The following UPK1A variants were observed in gnomAD, a reference collection of about 807,000 sequenced individuals.
The protein encoded by UPK1A is uroplakin 1A, also known as uroplakin-1a.
Under a neutral mutation model 32.3 loss-of-function variants are expected in UPK1A, and 31 were observed. The observed-to-expected ratio is 0.96, with a 90% CI of 0.72 to 1.30. The LOEUF (loss-of-function observed/expected upper bound fraction) is 1.30, where lower values mean the gene tolerates loss of function less well. Ranked by LOEUF, UPK1A falls within the 50% of genes most tolerant of loss-of-function variation. UPK1A has a pLI of 0.00. For synonymous variants in UPK1A, 135 were observed against 137.1 expected, an observed-to-expected ratio of 0.98 and a Z score of 0.11; for missense variants, 340 against 357.4, an observed-to-expected ratio of 0.95 and a Z score of 0.39.
At chr19:35,673,698 C>T (rs1968138737) in intron 5 of UPK1A, among the ~76,000 whole-genome samples, 153 bp downstream of exon 5, 1 of 152,090 alleles carries the variant, frequency 6.6e-6, no homozygotes, top group African/African-American at 2.4e-5. Flanking sequence ...CATCACCGTT[C>T]TGCGGATGAG....
exon 8 of UPK1A, chr19:35,678,161 T>G: frequency 5.6e-6 from 6 of 1,078,914 alleles, no homozygotes; most frequent in Non-Finnish European, 7.8e-6. Context: ...CAAGATCTTT[T>G]TCCAGGTTCC....
chr19:35,677,292 C>T (rs1361324821), intron 6 of UPK1A, among the ~76,000 whole-genome samples: 1 of 151,228 alleles, frequency 6.6e-6, no homozygotes, highest in East Asian at 2.0e-4. Flanking sequence ...CTTTGGGAGA[C>T]CGAGATGGGA....
At chr19:35,667,547 G>A (rs994947428) in intron 2 of UPK1A, among the ~76,000 whole-genome samples, 2 of 151,584 alleles carry the variant, frequency 1.3e-5, no homozygotes, top group African/African-American at 2.4e-5. Flanking sequence ...AGGCTGAAGT[G>A]CAGTGGCGAG....
chr19:35,673,893 A>G (rs1968142125), intron 5 of UPK1A, among the ~76,000 whole-genome samples: 1 of 152,110 alleles, frequency 6.6e-6, no homozygotes, highest in South Asian at 2.1e-4. Context: ...GCTAGGTTTC[A>G]CACTGTTCAA....
chr19:35,670,702 CT>C (rs1968080908), intron 3 of UPK1A, among the ~76,000 whole-genome samples: 1 of 104,460 alleles, frequency 9.6e-6, no homozygotes, highest in African/African-American at 3.4e-5. Flanking sequence ...CCCTCCCTCC[CT>C]TCCTTCCTTC....
intron 3 of UPK1A, among the ~76,000 whole-genome samples, chr19:35,670,150 GGT>G (rs1968063895): frequency 6.6e-6 from 1 of 152,310 alleles, no homozygotes; most frequent in East Asian, 1.9e-4. Context: ...TCCAGGTGGA[GGT>G]GGCAGCAAGG....
rs373683502 is a variant in UPK1A, at chr19:35,676,171, T to TTTTCTTTC, written c.648+172_648+179dup. 1,660 of 882,468 alleles carry TTTTCTTTC rather than the reference T, an allele frequency of 1.9e-3. 12 individuals are homozygous for TTTTCTTTC. The African/African-American group carries it at 0.025, about 13-fold the overall frequency. The allele number at this position is 882,468 out of a possible 1,614,324, so 54.7% of individuals were successfully genotyped here. ...CCCCTCTCTGATTTTCTTGTTTTCT[T>TTTTCTTTC]TTTCTTTCTTTCTTTCTTTCTTTCT... On this transcript the variant is annotated intron_variant, in intron 6 of 7. Coordinates refer to ENST00000617999, the Ensembl canonical transcript of UPK1A.
At chr19:35,666,758 G>T in intron 1 of UPK1A, 51 bp from the exon 2 acceptor site, 2 of 1,581,196 alleles carry the variant, frequency 1.3e-6, no homozygotes, top group Non-Finnish European at 1.7e-6. Flanking sequence ...GAGATGGGGG[G>T]TCCGGCTGGC....
chr19:35,677,755 C>A, intron 6 of UPK1A, 57 bp from the exon 7 acceptor site: 2 of 1,603,740 alleles, frequency 1.2e-6, no homozygotes, highest in Non-Finnish European at 1.7e-6. Flanking sequence ...GTGACTCTCG[C>A]TTTCAGCGGC....
At chr19:35,668,335 G>C (rs1968031558) in intron 2 of UPK1A, 119 bp from the exon 3 acceptor site, 1 of 1,233,022 alleles carries the variant, frequency 8.1e-7, no homozygotes, top group Admixed American at 1.9e-5. Flanking sequence ...CGAGGTCTTT[G>C]CCCACTTTAC....
At chr19:35,673,285 G>C (rs750429504) in exon 4 of UPK1A, 1 of 1,614,012 alleles carries the variant, frequency 6.2e-7, no homozygotes. Flanking sequence ...CCTGCATCAC[G>C]TCCTACACCC....
chr19:35,668,567 T>G, exon 3 of UPK1A: 4 of 1,614,128 alleles, frequency 2.5e-6, no homozygotes, highest in Non-Finnish European at 3.4e-6. Flanking sequence ...GTGCCTGGAT[T>G]GCCATCTTCT....
chr19:35,675,903 G>T (rs1361041362), exon 6 of UPK1A: 1 of 1,613,790 alleles, frequency 6.2e-7, no homozygotes. Flanking sequence ...CTTCCGGGCG[G>T]CCACTCCGGA....
At chr19:35,676,353 C>A in intron 6 of UPK1A, 2 of 423,540 alleles carry the variant, frequency 4.7e-6, no homozygotes, top group South Asian at 2.0e-5. Flanking sequence ...ACCCTCTTGG[C>A]TAGTTTTTGT....
Position 35,674,177 on chromosome 19 carries a change from C to T in UPK1A, c.468+632C>T, listed in dbSNP as rs183519446. On this transcript the variant is annotated intron_variant, in intron 5 of 7. Transcript: ENST00000617999. Reference sequence around the variant, plus strand: ...TCTCCCACCTCCGCCTCTCAAAGTGCCGAGATCACAGGCATGAGCCACGAG... The same window carrying T: ...TCTCCCACCTCCGCCTCTCAAAGTGTCGAGATCACAGGCATGAGCCACGAG... Among the ~76,000 whole-genome samples, 388 of 151,352 alleles carry T rather than the reference C, an allele frequency of 2.6e-3. 3 individuals are homozygous for T. Among genetic ancestry groups the T allele is most frequent in the African/African-American group, 8.2e-3 (337 of 41,208 alleles).
chr19:35,676,080 C>T, intron 6 of UPK1A, 61 bp downstream of exon 6: 3 of 1,524,422 alleles, frequency 2.0e-6, no homozygotes, highest in Non-Finnish European at 2.7e-6. Context: ...CTGGTCTCTG[C>T]TCCCTCTCTG....
chr19:35,676,156 A>G (rs936931376), intron 6 of UPK1A, 137 bp downstream of exon 6: 5 of 925,300 alleles, frequency 5.4e-6, no homozygotes, highest in Non-Finnish European at 6.2e-6. Flanking sequence ...CCCCTCTCTG[A>G]TTTTCTTGTT....
At chr19:35,678,192 G>A in exon 8 of UPK1A, 1 of 812,522 alleles carries the variant, frequency 1.2e-6, no homozygotes, top group South Asian at 2.1e-5. Flanking sequence ...TGTGTCTCAG[G>A]TGTGCCCTGA....
chr19:35,677,693 A>G, intron 6 of UPK1A, 119 bp from the exon 7 acceptor site: 1 of 1,322,496 alleles, frequency 7.6e-7, no homozygotes, highest in East Asian at 2.5e-5. Flanking sequence ...CCCATTGCAC[A>G]AGTGAGAAAA....
Sources: gnomAD v4.1 joint callset for allele counts (sites outside exome capture counted in the v4.1 genomes callset) on GRCh38, gnomAD v4.1.1 for gene constraint, MANE v1.5 for transcripts, NCBI Gene and HGNC (gene_info 2026-07-23, HGNC 2026-07-21) for gene names.